The following PMP2 variants were observed in gnomAD, a reference collection of about 807,000 sequenced individuals.
PMP2 encodes peripheral myelin protein 2.
Under a neutral mutation model 15.9 loss-of-function variants are expected in PMP2, and 11 were observed. The observed-to-expected ratio is 0.69, with a 90% CI of 0.44 to 1.14. The LOEUF is 1.14. PMP2 is among the 50% of genes most tolerant of loss of function. The probability of loss-of-function intolerance (pLI) is 0.00; values close to 1 mark genes in which losing one functional copy is unlikely to be tolerated. For missense variants in PMP2, 151 were observed against 154.0 expected, an observed-to-expected ratio of 0.98 and a Z score of 0.10; for synonymous variants, 55 against 54.1, an observed-to-expected ratio of 1.02 and a Z score of -0.07.
At chr8:81,444,671 G>A (rs1028865635) in intron 2 of PMP2, 70 bp from the exon 3 acceptor site, 3 of 1,421,924 alleles carry the variant, frequency 2.1e-6, no homozygotes, top group Admixed American at 1.8e-5. Context: ...CTTTCAGTAT[G>A]GAACCATTTT....
rs1807346486 is a variant in PMP2, at chr8:81,441,600, CT to C, written c.*1797del. On this transcript the variant is annotated 3_prime_UTR_variant, in exon 4 of 4. Coordinates refer to ENST00000256103, the MANE Select transcript of PMP2 (RefSeq NM_002677.5). ...TATCATCTGTCAGTCATCTACCTAT[CT>C]ATCGATTATCTATCATTATATCAGT... is the stretch of plus-strand genomic sequence containing the variant. The C allele has an allele frequency of 6.6e-6, 1 of 151,950 alleles. No individual in the cohort carries two copies. The highest frequency in any genetic ancestry group is 2.4e-5 in the African/African-American group (1 of 41,382). The allele number at this position is 151,950 out of a possible 1,614,324, so 9.4% of individuals were successfully genotyped here. A position where few individuals can be genotyped will look rare whatever the true frequency, so the allele number is the denominator to read the frequency against.
At chr8:81,443,630 G>T (rs1334225487) in intron 3 of PMP2, among the ~76,000 whole-genome samples, 182 bp from the exon 4 acceptor site, 1 of 152,152 alleles carries the variant, frequency 6.6e-6, no homozygotes, top group Non-Finnish European at 1.5e-5. Context: ...CAATTTAAAA[G>T]TTGATCTACG....
intron 1 of PMP2, among the ~76,000 whole-genome samples, chr8:81,445,653 G>T (rs1807437123): frequency 6.6e-6 from 1 of 152,146 alleles, no homozygotes; most frequent in Non-Finnish European, 1.5e-5. Context: ...TCATTCTAGA[G>T]ATTTTAGTTT....
chr8:81,442,824 T>C lies in PMP2; in HGVS notation c.*574A>G, dbSNP rs1358532613. On this transcript the variant is annotated 3_prime_UTR_variant, in exon 4 of 4. Coordinates refer to ENST00000256103, the MANE Select transcript of PMP2 (RefSeq NM_002677.5). ...TATTTAACTCACATTTACCTGTCTA[T>C]AAATTATCTGTCTATAAATTATCCA... is the stretch of plus-strand genomic sequence containing the variant. 6.6e-6 allele frequency: 1 copy of C among 151,986 alleles called. No individual in the cohort carries two copies. Among genetic ancestry groups the C allele is most frequent in the African/African-American group, 2.4e-5 (1 of 41,386 alleles). 9.4% of individuals were successfully genotyped at this position (151,986 alleles called of 1,614,324 possible). A position where few individuals can be genotyped will look rare whatever the true frequency, so the allele number is the denominator to read the frequency against.
In PMP2 at chr8:81,444,920, T is replaced by A. The variant is rs1807421839; in HGVS notation, c.143A>T (p.Asp48Val). The A allele has an allele frequency of 6.2e-7, 1 of 1,613,754 alleles. No individual in the cohort carries two copies. Among genetic ancestry groups the A allele is most frequent in the East Asian group, 2.2e-5 (1 of 44,898 alleles). The stretch of plus-strand genomic sequence containing the variant: ...ACTTTCAGTTCGTATAGTTATAATA[T>A]CTCCTTTCTTGCTGATGATCACAGT... Reference protein sequence around the residue: ...KPTVIISKKGDIITIRTESTF... With the variant: ...KPTVIISKKGVIITIRTESTF... Residue 48 changes from aspartate (D) to valine (V), a missense_variant, in exon 2 of 4, where the codon GAT becomes GTT. By Grantham distance (152) the Asp-to-Val change is radical. Coordinates refer to ENST00000256103, the MANE Select transcript of PMP2 (RefSeq NM_002677.5).
rs1586350498 is a variant in PMP2, at chr8:81,443,169, T to C, written c.*229A>G. On this transcript the variant is annotated 3_prime_UTR_variant, in exon 4 of 4. Coordinates refer to ENST00000256103, the MANE Select transcript of PMP2 (RefSeq NM_002677.5). ...TTAATTGAATGACATCATCAACTGT[T>C]TGTGTCTGGCCAATATATATGCTTT... is the stretch of plus-strand genomic sequence containing the variant. 2.1e-5 allele frequency: 8 copies of C among 386,332 alleles called. No homozygotes were observed. The East Asian group carries it at 3.3e-4, about 16-fold the overall frequency. The allele number at this position is 386,332 out of a possible 1,614,324, so 23.9% of individuals were successfully genotyped here.
At chr8:81,443,906 A>G (rs1807398916) in intron 3 of PMP2, among the ~76,000 whole-genome samples, 1 of 152,162 alleles carries the variant, frequency 6.6e-6, no homozygotes, top group Admixed American at 6.5e-5. Flanking sequence ...CATTCGGAAG[A>G]GTACATGAAT....
intron 3 of PMP2, among the ~76,000 whole-genome samples, chr8:81,444,126 G>A (rs1563518022): frequency 6.6e-6 from 1 of 152,176 alleles, no homozygotes; most frequent in African/African-American, 2.4e-5. Context: ...TCTGCAAATA[G>A]TCTACAAATG....
Position 81,447,431 on chromosome 8 carries a change from G to C in PMP2, c.-45C>G, listed in dbSNP as rs1471423661. On this transcript the variant is annotated 5_prime_UTR_variant, in exon 1 of 4. Coordinates refer to ENST00000256103, the MANE Select transcript of PMP2 (RefSeq NM_002677.5). Reference sequence around the variant, plus strand: ...ACACAGTTCTAAGTGGGATTCAGAAGACTCAGATAAAATGCTGAGGCCTCA... The same window carrying C: ...ACACAGTTCTAAGTGGGATTCAGAACACTCAGATAAAATGCTGAGGCCTCA... 6.7e-7 allele frequency: 1 copy of C among 1,495,524 alleles called. No homozygotes were observed. The highest frequency in any genetic ancestry group is 9.3e-7 in the Non-Finnish European group (1 of 1,072,104). The allele number at this position is 1,495,524 out of a possible 1,614,324, so 92.6% of individuals were successfully genotyped here. A position where few individuals can be genotyped will look rare whatever the true frequency, so the allele number is the denominator to read the frequency against.
In PMP2 at chr8:81,440,821, T is replaced by C. The variant is rs915248906; in HGVS notation, c.*2577A>G. The C allele has an allele frequency of 2.0e-5, 3 of 152,204 alleles. No individual in the cohort carries two copies. Among genetic ancestry groups the C allele is most frequent in the African/African-American group, 7.2e-5 (3 of 41,456 alleles). 9.4% of individuals were successfully genotyped at this position (152,204 alleles called of 1,614,324 possible). ...TATATGTTTCTGAATTTTTTGAGAG[T>C]AGATTGCATACATTATGGCCCTTTA... On this transcript the variant is annotated 3_prime_UTR_variant, in exon 4 of 4. Coordinates refer to ENST00000256103, the MANE Select transcript of PMP2 (RefSeq NM_002677.5).
In PMP2 at chr8:81,442,166, T is replaced by C. The variant is rs1807362476; in HGVS notation, c.*1232A>G. 1 of 152,178 alleles carries C rather than the reference T, an allele frequency of 6.6e-6. No individual in the cohort carries two copies. Among genetic ancestry groups the C allele is most frequent in the Non-Finnish European group, 1.5e-5 (1 of 67,966 alleles). The allele number at this position is 152,178 out of a possible 1,614,324, so 9.4% of individuals were successfully genotyped here. A position where few individuals can be genotyped will look rare whatever the true frequency, so the allele number is the denominator to read the frequency against. ...ATACCAATTCTATTCCATTTCCACA[T>C]GGTTCTTTCTTGCCTTCCCTCATTT... On this transcript the variant is annotated 3_prime_UTR_variant, in exon 4 of 4. Coordinates refer to ENST00000256103, the MANE Select transcript of PMP2 (RefSeq NM_002677.5).
At chr8:81,445,961 A>C (rs185639727) in intron 1 of PMP2, among the ~76,000 whole-genome samples, 11 of 152,158 alleles carry the variant, frequency 7.2e-5, no homozygotes, top group African/African-American at 2.7e-4. Context: ...GTTTATTACC[A>C]TTATTACCAA....
intron 1 of PMP2, 33 bp downstream of exon 1, chr8:81,447,280 GC>G (rs1382363634): frequency 6.5e-7 from 1 of 1,528,880 alleles, no homozygotes; most frequent in Non-Finnish European, 9.1e-7. Flanking sequence ...TTAAAAAGGA[GC>G]TTTTCAGCAG....
rs1263941649 is a variant in PMP2, at chr8:81,441,558, C to CTA, written c.*1838_*1839dup. The CTA allele has an allele frequency of 6.9e-6, 1 of 145,454 alleles. No individual in the cohort carries two copies. The highest frequency in any genetic ancestry group is 1.5e-5 in the Non-Finnish European group (1 of 66,546). 9.0% of individuals were successfully genotyped at this position (145,454 alleles called of 1,614,324 possible). A position where few individuals can be genotyped will look rare whatever the true frequency, so the allele number is the denominator to read the frequency against. On this transcript the variant is annotated 3_prime_UTR_variant, in exon 4 of 4. Transcript: ENST00000256103. ...TCTATCTATCTATCTATCTATCTAT[C>CTA]TATCTATATATCTATCTATCATCTG...
At chr8:81,446,270 T>C (rs1005053229) in intron 1 of PMP2, among the ~76,000 whole-genome samples, 4 of 152,176 alleles carry the variant, frequency 2.6e-5, no homozygotes, top group African/African-American at 9.7e-5. Context: ...AGGTGTTATT[T>C]TGCATGCTAA....
intron 3 of PMP2, among the ~76,000 whole-genome samples, chr8:81,444,109 T>C (rs1807402322): frequency 6.6e-6 from 1 of 152,222 alleles, no homozygotes; most frequent in Non-Finnish European, 1.5e-5. Flanking sequence ...TTCAAAATTG[T>C]GGGATATCTG....
At chr8:81,443,603 C>CA (rs1807395071) in intron 3 of PMP2, among the ~76,000 whole-genome samples, 155 bp from the exon 4 acceptor site, 1 of 152,038 alleles carries the variant, frequency 6.6e-6, no homozygotes, top group Non-Finnish European at 1.5e-5. Flanking sequence ...GAATTATGAC[C>CA]ATTGAAATAG....
intron 3 of PMP2, 134 bp from the exon 4 acceptor site, chr8:81,443,582 C>T (rs538540336): frequency 3.8e-6 from 2 of 521,830 alleles, no homozygotes; most frequent in East Asian, 3.2e-5. Context: ...ATGTCAGTCT[C>T]CAGTAATTCA....
At chr8:81,444,439 C>T (rs1329407517) in intron 3 of PMP2, 61 bp downstream of exon 3, 1 of 1,024,662 alleles carries the variant, frequency 9.8e-7, no homozygotes, top group African/African-American at 1.6e-5. Flanking sequence ...ATTTTGAAAA[C>T]AATATAATCA....
Sources: gnomAD v4.1 joint callset for allele counts (sites outside exome capture counted in the v4.1 genomes callset) on GRCh38, gnomAD v4.1.1 for gene constraint, MANE v1.5 for transcripts, NCBI Gene and HGNC (gene_info 2026-07-23, HGNC 2026-07-21) for gene names.